The following ARHGAP24 variants were observed in gnomAD, a reference collection of about 807,000 sequenced individuals.
ARHGAP24 encodes the protein Rho GTPase activating protein 24.
Under a neutral mutation model 76.4 loss-of-function variants are expected in ARHGAP24, and 50 were observed. The ratio of observed to expected loss-of-function variants is 0.65; its 90% CI spans 0.52 to 0.83. The LOEUF (loss-of-function observed/expected upper bound fraction) is 0.83. Among genes scored for constraint, ARHGAP24 ranks in the 40% least tolerant of loss-of-function variants. The pLI, the probability that ARHGAP24 is intolerant of heterozygous loss-of-function variation, is 0.00. For synonymous variants in ARHGAP24, 345 were observed against 323.3 expected, an observed-to-expected ratio of 1.07 and a Z score of -0.72; for missense variants, 930 against 914.2, an observed-to-expected ratio of 1.02 and a Z score of -0.22.
chr4:85,580,887 T>A (rs1390613337), intron 2 of ARHGAP24, among the ~76,000 whole-genome samples: 1 of 152,216 alleles, frequency 6.6e-6, no homozygotes. Context: ...CCTCTTCATT[T>A]TAGCTTTTAG....
At chr4:85,778,219 T>C (rs1384684949) in intron 3 of ARHGAP24, among the ~76,000 whole-genome samples, 1 of 152,194 alleles carries the variant, frequency 6.6e-6, no homozygotes, top group Non-Finnish European at 1.5e-5. Context: ...AAGGAAAAGA[T>C]TATTTCCTAA....
At chr4:85,669,881 A>G (rs756665405) in intron 2 of ARHGAP24, among the ~76,000 whole-genome samples, 45 of 151,978 alleles carry the variant, frequency 3.0e-4, no homozygotes, top group Non-Finnish European at 5.4e-4. Flanking sequence ...GAAAAAATAA[A>G]CCCAGCATAT....
intron 2 of ARHGAP24, among the ~76,000 whole-genome samples, chr4:85,579,272 C>A (rs1727508771): frequency 6.6e-6 from 1 of 152,064 alleles, no homozygotes; most frequent in African/African-American, 2.4e-5. Context: ...ATATATGGAA[C>A]CAGGTAGTCC....
chr4:85,969,866 C>T (rs1738860177), intron 5 of ARHGAP24, among the ~76,000 whole-genome samples: 1 of 152,036 alleles, frequency 6.6e-6, no homozygotes, highest in Non-Finnish European at 1.5e-5. Flanking sequence ...TGAAGATGAC[C>T]TGGGAACACG....
At chr4:85,953,835 G>T (rs6825252) in intron 5 of ARHGAP24, among the ~76,000 whole-genome samples, 212 of 152,044 alleles carry the variant, frequency 1.4e-3, no homozygotes, top group Non-Finnish European at 2.6e-3. Flanking sequence ...AATGTGGAGG[G>T]GAGAATGAGA....
At chr4:85,654,364 C>A (rs28673773) in intron 2 of ARHGAP24, among the ~76,000 whole-genome samples, 13,696 of 152,158 alleles carry the variant, frequency 0.09, 2,070 homozygotes, top group African/African-American at 0.31. Context: ...CTTAAAGGTT[C>A]TATCTCCAAA....
chr4:85,883,958 A>C (rs1733408361), intron 3 of ARHGAP24, among the ~76,000 whole-genome samples: 1 of 152,170 alleles, frequency 6.6e-6, no homozygotes, highest in Non-Finnish European at 1.5e-5. Context: ...AACCAAGAAC[A>C]ACAACAAAAA....
chr4:85,656,623 A>G (rs1722183131), intron 2 of ARHGAP24, among the ~76,000 whole-genome samples: 1 of 152,068 alleles, frequency 6.6e-6, no homozygotes. Flanking sequence ...GTGTGGCACC[A>G]TGACCAGCTA....
intron 3 of ARHGAP24, among the ~76,000 whole-genome samples, chr4:85,797,162 T>G (rs13106148): frequency 1.2e-5 from 1 of 83,294 alleles, no homozygotes; most frequent in East Asian, 2.1e-4. Flanking sequence ...ATTTTTTTTG[T>G]TTTTTTTTTT....
chr4:85,655,516 C>CT (rs59246346), intron 2 of ARHGAP24, among the ~76,000 whole-genome samples: 54,823 of 151,320 alleles, frequency 0.36, 10,995 homozygotes, highest in East Asian at 0.84. Context: ...GGCACGGTGG[C>CT]CATGCCTGTA....
Position 85,815,822 on chromosome 4 carries a change from G to A in ARHGAP24, c.268+93850G>A, listed in dbSNP as rs180841816. ...GTTTACTGTATTAGTCCATTTTCCC[G>A]CTGCTGATAAAGACATACCCGAGAC... On this transcript the variant is annotated intron_variant, in intron 3 of 9. Coordinates refer to ENST00000395184, the MANE Select transcript of ARHGAP24 (RefSeq NM_001025616.3). Among the ~76,000 whole-genome samples the A allele has an allele frequency of 4.8e-4, 73 of 152,160 alleles. 1 individual carries two copies. The highest frequency in any genetic ancestry group is 2.7e-3 in the East Asian group (14 of 5,190).
intron 3 of ARHGAP24, among the ~76,000 whole-genome samples, chr4:85,836,563 A>G (rs1344446636): frequency 6.6e-6 from 1 of 152,210 alleles, no homozygotes; most frequent in Non-Finnish European, 1.5e-5. Context: ...GACACCAGTC[A>G]TATTGGATTA....
At chr4:85,872,289 T>TA (rs1202180140) in intron 3 of ARHGAP24, among the ~76,000 whole-genome samples, 1 of 151,980 alleles carries the variant, frequency 6.6e-6, no homozygotes. Flanking sequence ...CACTGAGTTT[T>TA]AAAACACTTT....
intron 2 of ARHGAP24, among the ~76,000 whole-genome samples, chr4:85,633,511 A>G (rs1362437737): frequency 1.3e-5 from 2 of 151,800 alleles, no homozygotes; most frequent in East Asian, 3.9e-4. Flanking sequence ...AATGCAGATC[A>G]CTCCTTGAAC....
At chr4:85,802,192 G>A (rs940173152) in intron 3 of ARHGAP24, among the ~76,000 whole-genome samples, 3 of 152,024 alleles carry the variant, frequency 2.0e-5, no homozygotes, top group African/African-American at 7.2e-5. Flanking sequence ...CAGTTGCTAT[G>A]TAGCGCTAAC....
At chr4:85,989,370 T>C (rs889581796) in intron 8 of ARHGAP24, among the ~76,000 whole-genome samples, 1 of 151,474 alleles carries the variant, frequency 6.6e-6, no homozygotes, top group South Asian at 2.1e-4. Flanking sequence ...CTGAGACTAG[T>C]AAAGCAATTG....
intron 3 of ARHGAP24, among the ~76,000 whole-genome samples, chr4:85,733,330 T>TG (rs1725489631): frequency 6.6e-6 from 1 of 151,860 alleles, no homozygotes; most frequent in Non-Finnish European, 1.5e-5. Context: ...CCCAAAGTGC[T>TG]GGGATTACAG....
intron 5 of ARHGAP24, among the ~76,000 whole-genome samples, chr4:85,957,009 G>C (rs1578431247): frequency 6.6e-6 from 1 of 152,152 alleles, no homozygotes; most frequent in Admixed American, 6.5e-5. Context: ...TAGATGATTG[G>C]CTATTTCTTT....
chr4:85,509,801 G>C (rs913084302), intron 1 of ARHGAP24, among the ~76,000 whole-genome samples: 3 of 151,822 alleles, frequency 2.0e-5, no homozygotes, highest in Non-Finnish European at 4.4e-5. Context: ...GTTTAATTAT[G>C]TTCACATTTA....
Sources: gnomAD v4.1 joint callset for allele counts (sites outside exome capture counted in the v4.1 genomes callset) on GRCh38, gnomAD v4.1.1 for gene constraint, MANE v1.5 for transcripts, NCBI Gene and HGNC (gene_info 2026-07-23, HGNC 2026-07-21) for gene names.